Variants in ACER3 observed in about 807,000 individuals in gnomAD.
ACER3 encodes alkCDase 3.
Under a neutral mutation model 48.9 loss-of-function variants are expected in ACER3, and 16 were observed. The ratio of observed to expected loss-of-function variants is 0.33; its 90% CI spans 0.22 to 0.50. The LOEUF (loss-of-function observed/expected upper bound fraction) is 0.50, where lower values mean the gene tolerates loss of function less well. ACER3 is among the 20% of genes least tolerant of loss of function. The pLI, the probability that ACER3 is intolerant of heterozygous loss-of-function variation, is 0.98. For synonymous variants in ACER3, 109 were observed against 107.8 expected (o/e 1.01, Z -0.07); for missense variants, 227 against 326.0 (o/e 0.70, Z 2.34).
chr11:76,976,547 G>A (rs1435560073), intron 4 of ACER3, among the ~76,000 whole-genome samples: 1 of 152,072 alleles, frequency 6.6e-6, no homozygotes, highest in Non-Finnish European at 1.5e-5. Flanking sequence ...AAACCCTGTA[G>A]CCAATTTAGA....
At chr11:76,936,016 T>C (rs1267418700) in intron 2 of ACER3, among the ~76,000 whole-genome samples, 2 of 152,156 alleles carry the variant, frequency 1.3e-5, no homozygotes, top group South Asian at 2.1e-4. Flanking sequence ...CAAAACACCC[T>C]GCATTAGTTT....
intron 3 of ACER3, among the ~76,000 whole-genome samples, chr11:76,964,079 A>G (rs1234889777): frequency 6.6e-6 from 1 of 151,558 alleles, no homozygotes; most frequent in East Asian, 1.9e-4. Flanking sequence ...GAAAGGGGTG[A>G]CCGATGGCAC....
At chr11:76,983,555 T>C (rs1169507654) in intron 4 of ACER3, among the ~76,000 whole-genome samples, 1 of 152,212 alleles carries the variant, frequency 6.6e-6, no homozygotes, top group Non-Finnish European at 1.5e-5. Context: ...CCTCAAGCAA[T>C]CTTCCTGCCT....
chr11:76,959,742 C>T (rs559352103), intron 3 of ACER3, among the ~76,000 whole-genome samples: 16 of 151,684 alleles, frequency 1.1e-4, no homozygotes, highest in East Asian at 9.8e-4. Context: ...TTAGTAGAGA[C>T]GGGGTTTCAA....
chr11:76,953,155 A>G (rs1481717651), intron 2 of ACER3, among the ~76,000 whole-genome samples: 1 of 152,242 alleles, frequency 6.6e-6, no homozygotes, highest in Non-Finnish European at 1.5e-5. Flanking sequence ...ACTACAAGCT[A>G]CAGTGGAAGA....
chr11:76,878,909 A>G (rs1255186312), intron 1 of ACER3, among the ~76,000 whole-genome samples: 1 of 152,010 alleles, frequency 6.6e-6, no homozygotes. Context: ...CATTTACCTG[A>G]TGTCTGAGGA....
chr11:76,963,043 A>C (rs1948038027), intron 3 of ACER3, among the ~76,000 whole-genome samples: 1 of 151,392 alleles, frequency 6.6e-6, no homozygotes, highest in Non-Finnish European at 1.5e-5. Context: ...CCTGCCTGAA[A>C]AATCGCAGCT....
chr11:76,868,896 C>T (rs1279408827), intron 1 of ACER3, among the ~76,000 whole-genome samples: 5 of 152,220 alleles, frequency 3.3e-5, no homozygotes, highest in Non-Finnish European at 7.3e-5. Flanking sequence ...AGAACTCATC[C>T]ACATAGTAGG....
chr11:76,971,694 C>T (rs1948312044), intron 3 of ACER3, among the ~76,000 whole-genome samples: 1 of 152,052 alleles, frequency 6.6e-6, no homozygotes, highest in Non-Finnish European at 1.5e-5. Context: ...AGAATAGGGG[C>T]TTGGAGCTTA....
Position 76,867,222 on chromosome 11 carries a change from A to G in ACER3, c.103+6143A>G, listed in dbSNP as rs543169371. Among the ~76,000 whole-genome samples the G allele has an allele frequency of 6.6e-5, 10 of 152,038 alleles. No homozygotes were observed. The East Asian group carries it at 1.9e-3, about 29-fold the overall frequency. ...GGTGGCTCATGCCTGTAATCCCAGC[A>G]CTTTGGGAGGCCAAAGCAGACAGAT... On this transcript the variant is annotated intron_variant, in intron 1 of 10. Transcript: ENST00000532485.
chr11:76,992,767 G>C (rs1192809823), intron 6 of ACER3, among the ~76,000 whole-genome samples: 1 of 152,088 alleles, frequency 6.6e-6, no homozygotes, highest in Non-Finnish European at 1.5e-5. Flanking sequence ...ATACAGTCAA[G>C]CAGACCTGGA....
At chr11:76,993,155 T>A (rs1948837701) in intron 6 of ACER3, among the ~76,000 whole-genome samples, 1 of 152,140 alleles carries the variant, frequency 6.6e-6, no homozygotes, top group South Asian at 2.1e-4. Flanking sequence ...GGGTTACAGG[T>A]GTGAGCCACT....
intron 1 of ACER3, among the ~76,000 whole-genome samples, chr11:76,917,695 G>GA (rs1485170251): frequency 6.6e-6 from 1 of 151,598 alleles, no homozygotes; most frequent in Non-Finnish European, 1.5e-5. Context: ...TGTCTCTACA[G>GA]AAAAATTTTT....
At chr11:76,932,877 A>G (rs1200825778) in intron 2 of ACER3, among the ~76,000 whole-genome samples, 1 of 151,274 alleles carries the variant, frequency 6.6e-6, no homozygotes. Context: ...AAGTAGCAAT[A>G]GAAAGATAAA....
chr11:76,885,005 T>C (rs992384642), intron 1 of ACER3, among the ~76,000 whole-genome samples: 28 of 152,176 alleles, frequency 1.8e-4, no homozygotes, highest in African/African-American at 6.8e-4. Context: ...GCTCAAGTAA[T>C]CAATCCACCT....
At chr11:76,920,584 A>G (rs1035568242) in intron 1 of ACER3, among the ~76,000 whole-genome samples, 1 of 150,498 alleles carries the variant, frequency 6.6e-6, no homozygotes, top group East Asian at 1.9e-4. Context: ...ATAAGTTAAT[A>G]ATTCTCTATT....
intron 1 of ACER3, among the ~76,000 whole-genome samples, chr11:76,910,579 A>T (rs1438001417): frequency 6.6e-6 from 1 of 152,200 alleles, no homozygotes; most frequent in Admixed American, 6.5e-5. Context: ...TTAAGGCGCA[A>T]GGTGGTTAAG....
At chr11:76,870,773 T>A (rs1945222588) in intron 1 of ACER3, among the ~76,000 whole-genome samples, 1 of 152,198 alleles carries the variant, frequency 6.6e-6, no homozygotes, top group African/African-American at 2.4e-5. Context: ...TAGATACTAT[T>A]ACCATGCTGT....
intron 3 of ACER3, among the ~76,000 whole-genome samples, chr11:76,969,379 CAG>C (rs1429584087): frequency 6.6e-6 from 1 of 152,190 alleles, no homozygotes; most frequent in Non-Finnish European, 1.5e-5. Flanking sequence ...TTGTGGAAGA[CAG>C]TGTGGCGATT....
Sources: allele counts gnomAD v4.1 joint callset (sites outside exome capture counted in the v4.1 genomes callset), GRCh38; gene constraint gnomAD v4.1.1; transcripts MANE v1.5; gene names NCBI Gene and HGNC (gene_info 2026-07-23, HGNC 2026-07-21).